The following HHIP variants were observed in gnomAD, a reference collection of about 807,000 sequenced individuals.
The protein encoded by HHIP is hedgehog-interacting protein.
A neutral mutation model predicts 74.0 loss-of-function variants in HHIP; 12 were observed. The observed-to-expected ratio is 0.16, with a 90% CI of 0.10 to 0.26. HHIP has a LOEUF of 0.26. Among genes scored for constraint, HHIP ranks in the 10% least tolerant of loss-of-function variants. The pLI, the probability that HHIP is intolerant of heterozygous loss-of-function variation, is 1.00. For missense variants in HHIP, 788 were observed against 845.0 expected (o/e 0.93, Z 0.84); for synonymous variants, 309 against 311.6 (o/e 0.99, Z 0.09).
intron 4 of HHIP, chr4:144,661,201 A>G (rs1728704862): frequency 6.6e-6 from 1 of 152,122 alleles, no homozygotes; most frequent in Non-Finnish European, 1.5e-5. Context: ...CTGATGATTC[A>G]TTGCCATATT....
At chr4:144,711,518 T>C (rs1382715442) in intron 7 of HHIP, among the ~76,000 whole-genome samples, 1 of 151,952 alleles carries the variant, frequency 6.6e-6, no homozygotes, top group Non-Finnish European at 1.5e-5. Flanking sequence ...GGCCCCAGTG[T>C]GTGATGTTTC....
chr4:144,681,964 G>T (rs528413948), intron 4 of HHIP, among the ~76,000 whole-genome samples: 5 of 152,316 alleles, frequency 3.3e-5, no homozygotes, highest in East Asian at 3.9e-4. Context: ...TACAGCTGTG[G>T]AAGCTAAAGC....
chr4:144,681,277 AAT>A (rs1729330937), intron 4 of HHIP, among the ~76,000 whole-genome samples: 1 of 152,136 alleles, frequency 6.6e-6, no homozygotes, highest in Non-Finnish European at 1.5e-5. Context: ...AAAACATCTG[AAT>A]ATATAAAGAC....
At chr4:144,676,875 T>A (rs890814895) in intron 4 of HHIP, among the ~76,000 whole-genome samples, 1 of 152,214 alleles carries the variant, frequency 6.6e-6, no homozygotes, top group African/African-American at 2.4e-5. Flanking sequence ...GGTGAACCGG[T>A]AACTCCATCC....
At chr4:144,686,071 G>A (rs921093522) in intron 4 of HHIP, among the ~76,000 whole-genome samples, 3 of 152,138 alleles carry the variant, frequency 2.0e-5, no homozygotes, top group Non-Finnish European at 4.4e-5. Context: ...GATGTGGCTT[G>A]GAGGCACAGT....
intron 4 of HHIP, among the ~76,000 whole-genome samples, chr4:144,699,157 CACA>C (rs1178704703): frequency 6.6e-6 from 1 of 152,186 alleles, no homozygotes; most frequent in Non-Finnish European, 1.5e-5. Flanking sequence ...AAATACCAAC[CACA>C]AATGGGATGC....
intron 2 of HHIP, among the ~76,000 whole-genome samples, chr4:144,655,750 T>C (rs2126582644): frequency 9.3e-6 from 1 of 107,598 alleles, no homozygotes; most frequent in East Asian, 2.4e-4. Context: ...GAAGAGTCAG[T>C]AACTTTTTTT....
At chr4:144,661,108 T>A (rs1274198962) in intron 4 of HHIP, among the ~76,000 whole-genome samples, 1 of 152,230 alleles carries the variant, frequency 6.6e-6, no homozygotes, top group Non-Finnish European at 1.5e-5. Flanking sequence ...ACTGATGTTC[T>A]TGTTTCTACC....
At chr4:144,647,200 T>C (rs7689420) in intron 1 of HHIP, 355,994 of 444,384 alleles carry the variant, frequency 0.8, 144,099 homozygotes, top group South Asian at 0.87. Flanking sequence ...AAAACAGACG[T>C]TTCTGCGGTA....
rs1371251008 is a variant in HHIP, at chr4:144,646,607, G to C, written c.-69G>C. 3 of 1,510,462 alleles carry C rather than the reference G, an allele frequency of 2.0e-6. No homozygotes were observed. Among genetic ancestry groups the C allele is most frequent in the Non-Finnish European group, 2.7e-6 (3 of 1,110,868 alleles). 93.6% of individuals were successfully genotyped at this position (1,510,462 alleles called of 1,614,324 possible). On this transcript the variant is annotated 5_prime_UTR_variant, in exon 1 of 13. Coordinates refer to ENST00000296575, the MANE Select transcript of HHIP (RefSeq NM_022475.3). The stretch of plus-strand genomic sequence containing the variant: ...AAACTCCTCCTGGAGCTGCGCCCTA[G>C]TGCCCCTGCTGGGCAGTGGCGTTCC...
At chr4:144,725,663 CGTGTGTGT>C (rs113672793) in intron 11 of HHIP, among the ~76,000 whole-genome samples, 1 of 144,510 alleles carries the variant, frequency 6.9e-6, no homozygotes, top group African/African-American at 2.5e-5. Context: ...TGTGCGCGTG[CGTGTGTGT>C]GTGTGTGTGT....
At chr4:144,670,743 G>A (rs1475489544) in intron 4 of HHIP, among the ~76,000 whole-genome samples, 1 of 102,614 alleles carries the variant, frequency 9.7e-6, no homozygotes, top group Non-Finnish European at 2.0e-5. Context: ...GTGCCTGTGA[G>A]TGAAAAGATG....
At chr4:144,698,469 C>T (rs1461674877) in intron 4 of HHIP, among the ~76,000 whole-genome samples, 6 of 152,094 alleles carry the variant, frequency 3.9e-5, no homozygotes, top group East Asian at 3.9e-4. Context: ...CTAGGAGCAA[C>T]GGGCCATACC....
At chr4:144,654,435 C>T (rs529234718) in intron 2 of HHIP, among the ~76,000 whole-genome samples, 74 of 152,226 alleles carry the variant, frequency 4.9e-4, no homozygotes, top group Non-Finnish European at 9.3e-4. Flanking sequence ...TAGAAGTGGA[C>T]AGAGCAGCAA....
At chr4:144,660,260 A>G (rs994933263) in intron 4 of HHIP, 5 of 211,668 alleles carry the variant, frequency 2.4e-5, no homozygotes, top group Non-Finnish European at 4.6e-5. Context: ...CATAAAAAAT[A>G]CTACTTATAC....
chr4:144,728,800 T>C (rs535100829), intron 11 of HHIP, among the ~76,000 whole-genome samples: 16 of 152,298 alleles, frequency 1.1e-4, no homozygotes, highest in African/African-American at 3.1e-4. Flanking sequence ...AGAGATTCCA[T>C]TGGCTCCGTT....
chr4:144,722,218 C>A (rs1730659098), intron 11 of HHIP, among the ~76,000 whole-genome samples: 1 of 152,146 alleles, frequency 6.6e-6, no homozygotes, highest in South Asian at 2.1e-4. Context: ...GTAATGCCAT[C>A]TGAAACTAGT....
chr4:144,707,048 T>C lies in HHIP; in HGVS notation c.984-39T>C, dbSNP rs202027777. On this transcript the variant is annotated intron_variant, in intron 5 of 12. Transcript: ENST00000296575. ...CTTTCTGATGGACTCATCTTAAATC[T>C]TTTAACAGTCATGGTATTGTTTTCT... 2.5e-4 allele frequency: 395 copies of C among 1,576,130 alleles called. 3 individuals are homozygous for C. The South Asian group carries it at 4.0e-3, about 16-fold the overall frequency.
intron 4 of HHIP, among the ~76,000 whole-genome samples, chr4:144,697,777 C>G (rs545824873): frequency 1.2e-4 from 18 of 151,942 alleles, no homozygotes; most frequent in African/African-American, 4.3e-4. Context: ...TGTATATATA[C>G]ATTTTTCCTC....
Sources: gnomAD v4.1 joint callset for allele counts (sites outside exome capture counted in the v4.1 genomes callset) on GRCh38, gnomAD v4.1.1 for gene constraint, MANE v1.5 for transcripts, NCBI Gene and HGNC (gene_info 2026-07-23, HGNC 2026-07-21) for gene names.